PTPRE: variants seen among roughly 807,000 people sequenced by gnomAD.
PTPRE encodes the protein receptor-type tyrosine-protein phosphatase epsilon.
In PTPRE, 51 loss-of-function variants were observed where a neutral mutation model predicts 102.0. The observed-to-expected ratio is 0.50, with a 90% CI of 0.40 to 0.63. PTPRE has a LOEUF of 0.63. Among genes scored for constraint, PTPRE ranks in the 30% least tolerant of loss-of-function variants. The pLI is 0.00. For synonymous variants in PTPRE, 345 were observed against 348.2 expected, an observed-to-expected ratio of 0.99 and a Z score of 0.10; for missense variants, 752 against 915.1, an observed-to-expected ratio of 0.82 and a Z score of 2.30.
intron 1 of PTPRE, among the ~76,000 whole-genome samples, chr10:127,966,040 A>G (rs1168443997): frequency 2.6e-5 from 4 of 152,242 alleles, no homozygotes; most frequent in Admixed American, 6.5e-5. Flanking sequence ...TGACTCCCAC[A>G]CTCACTGTAC....
At chr10:127,969,695 G>GC (rs1399978255) in intron 1 of PTPRE, among the ~76,000 whole-genome samples, 1 of 137,472 alleles carries the variant, frequency 7.3e-6, no homozygotes, top group African/African-American at 2.5e-5. Context: ...GGGGCGGGGG[G>GC]ATGATGCAGA....
intron 1 of PTPRE, among the ~76,000 whole-genome samples, chr10:127,952,050 G>T (rs946073906): frequency 7.9e-5 from 12 of 152,156 alleles, no homozygotes; most frequent in African/African-American, 1.9e-4. Context: ...GAAGCAGTTT[G>T]CCTTCAGCTG....
rs191880485 is a variant in PTPRE, at chr10:128,009,214, G to A, written c.-8+26918G>A. 2.2e-4 allele frequency among the ~76,000 whole-genome samples: 34 copies of A among 152,250 alleles called. No homozygotes were observed. The East Asian group carries it at 3.7e-3, about 16-fold the overall frequency. ...AAATTGGGGTCCCCTTTAAATTTCC[G>A]TCTCCTGCTCAGGAATGTCAGTGCA... is the stretch of plus-strand genomic sequence containing the variant. On this transcript the variant is annotated intron_variant, in intron 2 of 20. Coordinates refer to ENST00000254667, the MANE Select transcript of PTPRE (RefSeq NM_006504.6).
At position 127,982,254 on chromosome 10, in the gene PTPRE, T is replaced by A. The variant is rs1284634026; in HGVS notation, c.-30-20T>A. ...CTGTTAACCAGAAAACTGACTTTTT[T>A]TTTCTTCTTTCTTCTTCAGACTATA... On this transcript the variant is annotated intron_variant, in intron 1 of 20. Coordinates refer to ENST00000254667, the MANE Select transcript of PTPRE (RefSeq NM_006504.6). The A allele has an allele frequency of 7.9e-7, 1 of 1,260,442 alleles. No individual in the cohort carries two copies. The highest frequency in any genetic ancestry group is 1.6e-5 in the African/African-American group (1 of 64,514). 78.1% of individuals were successfully genotyped at this position (1,260,442 alleles called of 1,614,324 possible). A position where few individuals can be genotyped will look rare whatever the true frequency, so the allele number is the denominator to read the frequency against.
At chr10:127,966,241 C>T (rs1850242644) in intron 1 of PTPRE, among the ~76,000 whole-genome samples, 1 of 152,130 alleles carries the variant, frequency 6.6e-6, no homozygotes, top group African/African-American at 2.4e-5. Context: ...GGCCAGTGTC[C>T]ATCCCCCTCA....
chr10:127,915,304 T>G (rs1564793079), intron 1 of PTPRE, among the ~76,000 whole-genome samples: 1 of 152,226 alleles, frequency 6.6e-6, no homozygotes, highest in Admixed American at 6.5e-5. Context: ...GATTAACACT[T>G]TTTTTCCAGT....
chr10:128,076,465 T>A, intron 17 of PTPRE, 138 bp from the exon 18 acceptor site: 1 of 815,360 alleles, frequency 1.2e-6, no homozygotes, highest in Non-Finnish European at 1.8e-6. Context: ...CAGGCATTTA[T>A]ATTCATATTC....
rs1387041229 is a variant in PTPRE at position 128,061,865 on chromosome 10, C to T, written c.625+150C>T. 86 of 1,012,458 alleles carry T rather than the reference C, an allele frequency of 8.5e-5. 1 individual carries two copies. The highest frequency in any genetic ancestry group is 6.6e-4 in the South Asian group (35 of 53,014). The allele number at this position is 1,012,458 out of a possible 1,614,324, so 62.7% of individuals were successfully genotyped here. A position where few individuals can be genotyped will look rare whatever the true frequency, so the allele number is the denominator to read the frequency against. On this transcript the variant is annotated intron_variant, in intron 9 of 20. Transcript: ENST00000254667. ...ACACGTTAGATATCCATTCACACAACGGATATGTGTAGTCAGAGAAACACA... is the reference window on the plus strand; with the variant it reads ...ACACGTTAGATATCCATTCACACAATGGATATGTGTAGTCAGAGAAACACA...
chr10:128,042,565 C>T (rs978998683), intron 3 of PTPRE, among the ~76,000 whole-genome samples: 13 of 152,286 alleles, frequency 8.5e-5, no homozygotes, highest in African/African-American at 3.1e-4. Flanking sequence ...GGAAATGGGC[C>T]TCGGGTTATA....
At chr10:128,038,898 T>A (rs1004331439) in intron 2 of PTPRE, among the ~76,000 whole-genome samples, 2 of 152,222 alleles carry the variant, frequency 1.3e-5, no homozygotes, top group South Asian at 2.1e-4. Flanking sequence ...TTGCTGGTCA[T>A]GTCAGGAAAA....
At chr10:128,019,597 A>G (rs1845697406) in intron 2 of PTPRE, among the ~76,000 whole-genome samples, 1 of 151,792 alleles carries the variant, frequency 6.6e-6, no homozygotes, top group African/African-American at 2.4e-5. Flanking sequence ...CGGGTTTGCC[A>G]TTCCGGGGCT....
chr10:128,082,917 C>A lies in PTPRE; in HGVS notation c.*11C>A. The stretch of plus-strand genomic sequence containing the variant: ...GCTAATTTCAAATGAAGATTCCTGC[C>A]TTAAAATATTTTTTAATTTAATGGT... On this transcript the variant is annotated 3_prime_UTR_variant, in exon 21 of 21. Coordinates refer to ENST00000254667, the MANE Select transcript of PTPRE (RefSeq NM_006504.6). 1.3e-6 allele frequency: 2 copies of A among 1,536,824 alleles called. No individual in the cohort carries two copies. The highest frequency in any genetic ancestry group is 1.7e-6 in the Non-Finnish European group (2 of 1,149,362).
chr10:127,982,420 T>TTA (rs1851707577), intron 2 of PTPRE, 124 bp downstream of exon 2: 2 of 663,618 alleles, frequency 3.0e-6, no homozygotes, highest in Non-Finnish European at 4.3e-6. Flanking sequence ...GGTCAGTGTG[T>TTA]TATATTTGAA....
intron 1 of PTPRE, among the ~76,000 whole-genome samples, chr10:127,930,218 A>G (rs1021018155): frequency 6.6e-6 from 1 of 152,012 alleles, no homozygotes; most frequent in Admixed American, 6.6e-5. Flanking sequence ...CACTATCGAG[A>G]CATGCACATT....
intron 2 of PTPRE, among the ~76,000 whole-genome samples, chr10:128,034,236 G>A (rs1847011919): frequency 6.6e-6 from 1 of 152,096 alleles, no homozygotes; most frequent in African/African-American, 2.4e-5. Context: ...AAGGCCCTAA[G>A]TGTGAGTTTA....
At chr10:128,046,005 G>A (rs549590380) in intron 3 of PTPRE, among the ~76,000 whole-genome samples, 3 of 152,304 alleles carry the variant, frequency 2.0e-5, no homozygotes, top group Non-Finnish European at 2.9e-5. Flanking sequence ...CCTCTCTCAC[G>A]GCTGGGGCCA....
intron 1 of PTPRE, among the ~76,000 whole-genome samples, chr10:127,950,049 C>T (rs1009524052): frequency 3.7e-4 from 57 of 152,218 alleles, no homozygotes; most frequent in African/African-American, 1.3e-3. Flanking sequence ...CTCTTTCCTT[C>T]TAGACCTACT....
intron 2 of PTPRE, 49 bp downstream of exon 2, chr10:127,982,345 T>G: frequency 9.2e-7 from 1 of 1,084,594 alleles, no homozygotes; most frequent in Non-Finnish European, 1.2e-6. Flanking sequence ...AGATAACTAG[T>G]TTAAAATAAT....
At chr10:128,018,108 C>A (rs1227052992) in intron 2 of PTPRE, among the ~76,000 whole-genome samples, 1 of 152,048 alleles carries the variant, frequency 6.6e-6, no homozygotes, top group Non-Finnish European at 1.5e-5. Flanking sequence ...GTGGAAATTC[C>A]CAGAGCAACT....
Sources: allele counts gnomAD v4.1 joint callset (sites outside exome capture counted in the v4.1 genomes callset), GRCh38; gene constraint gnomAD v4.1.1; transcripts MANE v1.5; gene names NCBI Gene and HGNC (gene_info 2026-07-23, HGNC 2026-07-21).